GDAP2: variants seen among roughly 807,000 people sequenced by gnomAD.
The protein encoded by GDAP2 is ganglioside-induced differentiation-associated protein 2.
A neutral mutation model predicts 67.0 loss-of-function variants in GDAP2; 51 were observed. The ratio of observed to expected loss-of-function variants is 0.76; its 90% CI spans 0.61 to 0.96. GDAP2 has a LOEUF of 0.96. Among genes scored for constraint, GDAP2 ranks in the 40% least tolerant of loss-of-function variants. The pLI is 0.00. For synonymous variants in GDAP2, 203 were observed against 207.3 expected (o/e 0.98, Z 0.18); for missense variants, 547 against 588.3 (o/e 0.93, Z 0.73).
intron 6 of GDAP2, among the ~76,000 whole-genome samples, chr1:117,904,188 C>A (rs1329905408): frequency 1.3e-5 from 2 of 151,952 alleles, no homozygotes; most frequent in Non-Finnish European, 2.9e-5. Context: ...GGGGTTTCGC[C>A]ATGTTGGCCA....
Position 117,920,285 on chromosome 1 carries a change from CT to C in GDAP2, c.72del (p.Asp25MetfsTer3). ...DTLPSWGDSCQDELNSSDTTA... is the reference protein window; with the variant it reads ...DTLPSWGDSCXDELNSSDTTA... ...GTAGTATCAGAGGAATTTAATTCATCTTGGCATGAGTCACCCCAGCTTGGTA... is the reference window on the plus strand; with the variant it reads ...GTAGTATCAGAGGAATTTAATTCATCTGGCATGAGTCACCCCAGCTTGGTA... On this transcript the variant is annotated frameshift_variant, in exon 2 of 14. Coordinates refer to ENST00000369443, the MANE Select transcript of GDAP2 (RefSeq NM_017686.4). LOFTEE classifies it high-confidence loss of function. The C allele has an allele frequency of 6.2e-7, 1 of 1,609,898 alleles. No homozygotes were observed. The highest frequency in any genetic ancestry group is 8.5e-7 in the Non-Finnish European group (1 of 1,176,434).
chr1:117,886,854 T>G (rs551720942), intron 9 of GDAP2, among the ~76,000 whole-genome samples: 52 of 152,250 alleles, frequency 3.4e-4, no homozygotes, highest in Non-Finnish European at 4.3e-4. Flanking sequence ...AGGGTTTTGA[T>G]CACTGCCCTT....
chr1:117,889,064 T>C (rs576930562), intron 8 of GDAP2, among the ~76,000 whole-genome samples: 1 of 152,320 alleles, frequency 6.6e-6, no homozygotes, highest in East Asian at 1.9e-4. Flanking sequence ...CAGTAGCTTT[T>C]AATTTTGTTT....
chr1:117,923,058 G>C (rs777211771), intron 1 of GDAP2, among the ~76,000 whole-genome samples: 2 of 152,122 alleles, frequency 1.3e-5, no homozygotes, highest in African/African-American at 2.4e-5. Context: ...TCCGTTTTTG[G>C]TAATAAGAGA....
intron 5 of GDAP2, among the ~76,000 whole-genome samples, 180 bp from the exon 6 acceptor site, chr1:117,906,762 G>A (rs1276499370): frequency 6.6e-6 from 1 of 152,138 alleles, no homozygotes; most frequent in Non-Finnish European, 1.5e-5. Context: ...ATTCTGATTT[G>A]CTTTCCTCCA....
At position 117,920,208 on chromosome 1, in the gene GDAP2, C is replaced by T; in HGVS notation, c.150G>A (p.Lys50=). 6.2e-7 allele frequency: 1 copy of T among 1,604,790 alleles called. No individual in the cohort carries two copies. Among genetic ancestry groups the T allele is most frequent in the South Asian group, 1.1e-5 (1 of 90,000 alleles). The change falls in exon 2 of 14, where the codon AAG becomes AAA. Residue 50 remains lysine, a synonymous_variant. Coordinates refer to ENST00000369443, the MANE Select transcript of GDAP2 (RefSeq NM_017686.4). ...DTVRSPFLYN[K]DVNGKVVLWK... The stretch of plus-strand genomic sequence containing the variant: ...AAAGAACCACTTTTCCATTGACGTC[C>T]TTATTATAAAGAAAAGGTGATCGAA...
intron 2 of GDAP2, among the ~76,000 whole-genome samples, chr1:117,919,436 T>C (rs577369688): frequency 6.6e-6 from 1 of 152,106 alleles, no homozygotes; most frequent in East Asian, 1.9e-4. Flanking sequence ...GAAAACATTA[T>C]GCTAAGTCAC....
At chr1:117,926,983 A>G (rs927046491) in intron 1 of GDAP2, among the ~76,000 whole-genome samples, 3 of 144,814 alleles carry the variant, frequency 2.1e-5, no homozygotes, top group African/African-American at 7.8e-5. Flanking sequence ...AAGTTCATAA[A>G]CAAACACTAA....
At chr1:117,904,185 C>T (rs967134453) in intron 6 of GDAP2, among the ~76,000 whole-genome samples, 3 of 151,960 alleles carry the variant, frequency 2.0e-5, no homozygotes, top group African/African-American at 4.8e-5. Flanking sequence ...GATGGGGTTT[C>T]GCCATGTTGG....
intron 13 of GDAP2, among the ~76,000 whole-genome samples, chr1:117,871,097 T>C (rs530312488): frequency 7.2e-5 from 11 of 152,272 alleles, no homozygotes; most frequent in African/African-American, 2.2e-4. Context: ...CAAATCTTAA[T>C]TTAGAGTTAG....
chr1:117,894,189 G>C (rs1207631818), intron 8 of GDAP2, among the ~76,000 whole-genome samples: 1 of 151,508 alleles, frequency 6.6e-6, no homozygotes, highest in East Asian at 1.9e-4. Flanking sequence ...GCCCAGGCAG[G>C]AGTGCAGTGG....
intron 13 of GDAP2, among the ~76,000 whole-genome samples, chr1:117,874,417 C>G (rs1648388358): frequency 6.6e-6 from 1 of 152,216 alleles, no homozygotes; most frequent in African/African-American, 2.4e-5. Context: ...ACCCTTCGAC[C>G]ATGAGTAGAA....
At chr1:117,885,488 C>T (rs975626545) in intron 10 of GDAP2, among the ~76,000 whole-genome samples, 1 of 152,306 alleles carries the variant, frequency 6.6e-6, no homozygotes, top group African/African-American at 2.4e-5. Flanking sequence ...ATTCTAAACA[C>T]TTCTCTACAG....
At chr1:117,894,612 A>G (rs372642703) in intron 8 of GDAP2, among the ~76,000 whole-genome samples, 12 of 152,362 alleles carry the variant, frequency 7.9e-5, no homozygotes, top group African/African-American at 2.9e-4. Flanking sequence ...GTACTTCTGC[A>G]TATTGAAGTG....
chr1:117,929,247 A>T (rs144471309), intron 1 of GDAP2, among the ~76,000 whole-genome samples: 1 of 152,162 alleles, frequency 6.6e-6, no homozygotes, highest in Non-Finnish European at 1.5e-5. Flanking sequence ...CACTTCTCGT[A>T]GAGACGGCGT....
At chr1:117,877,354 C>T (rs1018462770) in intron 13 of GDAP2, 2 of 981,710 alleles carry the variant, frequency 2.0e-6, no homozygotes, top group Non-Finnish European at 2.4e-6. Context: ...CAATCAGCAA[C>T]AGTTAAACAA....
chr1:117,913,516 T>C (rs1649936199), intron 3 of GDAP2: 1 of 152,110 alleles, frequency 6.6e-6, no homozygotes, highest in African/African-American at 2.4e-5. Flanking sequence ...AGAGGGGATT[T>C]AGTTAAAGTG....
chr1:117,874,018 A>G lies in GDAP2; in HGVS notation c.1447-3402T>C, dbSNP rs183085515. On this transcript the variant is annotated intron_variant, in intron 13 of 13. Coordinates refer to ENST00000369443, the MANE Select transcript of GDAP2 (RefSeq NM_017686.4). ...CAGTCATTGTCTAAACAGCAATGTA[A>G]TGGCAATTCTCCCTTGCAGAACACT... Among the ~76,000 whole-genome samples the G allele has an allele frequency of 5.9e-5, 9 of 152,256 alleles. No homozygotes were observed. The East Asian group carries it at 1.7e-3, about 29-fold the overall frequency.
At chr1:117,906,714 C>A (rs1416675764) in intron 5 of GDAP2, 132 bp from the exon 6 acceptor site, 2 of 581,514 alleles carry the variant, frequency 3.4e-6, no homozygotes, top group East Asian at 5.9e-5. Context: ...CTTAGTAATA[C>A]CCTATCAGTG....
Sources: allele counts gnomAD v4.1 joint callset (sites outside exome capture counted in the v4.1 genomes callset), GRCh38; gene constraint gnomAD v4.1.1; transcripts MANE v1.5; gene names NCBI Gene and HGNC (gene_info 2026-07-23, HGNC 2026-07-21).